The following STAG1 variants were observed in gnomAD, a reference collection of about 807,000 sequenced individuals.
STAG1 encodes the protein STAG1 cohesin complex component, also known as cohesin subunit SA-1.
A neutral mutation model predicts 170.9 loss-of-function variants in STAG1; 26 were observed. The ratio of observed to expected loss-of-function variants is 0.15; its 90% CI spans 0.11 to 0.21. The LOEUF is 0.21. STAG1 is among the 10% of genes least tolerant of loss of function. The pLI is 1.00. For synonymous variants in STAG1, 514 were observed against 497.7 expected (o/e 1.03, Z -0.44); for missense variants, 964 against 1,509.5 (o/e 0.64, Z 5.99).
At chr3:136,341,818 G>T (rs1373620581) in intron 30 of STAG1, among the ~76,000 whole-genome samples, 3 of 152,136 alleles carry the variant, frequency 2.0e-5, no homozygotes, top group African/African-American at 7.2e-5. Context: ...CTCTGTTTTG[G>T]GCTGGTGCCG....
At chr3:136,360,366 C>T (rs1014888564) in intron 26 of STAG1, among the ~76,000 whole-genome samples, 7 of 152,174 alleles carry the variant, frequency 4.6e-5, no homozygotes, top group Non-Finnish European at 1.0e-4. Flanking sequence ...TAGATGTATA[C>T]ATCTTAAAAA....
chr3:136,548,689 ATTTC>A (rs1936261763), intron 5 of STAG1, among the ~76,000 whole-genome samples: 1 of 151,844 alleles, frequency 6.6e-6, no homozygotes, highest in African/African-American at 2.4e-5. Context: ...GTCTCCTTTA[ATTTC>A]TTTCATCAAT....
chr3:136,486,683 T>G (rs1384926137), intron 9 of STAG1, among the ~76,000 whole-genome samples: 1 of 152,114 alleles, frequency 6.6e-6, no homozygotes, highest in Non-Finnish European at 1.5e-5. Context: ...GACTACTCAG[T>G]ATGGTAACTG....
chr3:136,671,271 G>A (rs1045913116), intron 1 of STAG1, among the ~76,000 whole-genome samples: 3 of 152,056 alleles, frequency 2.0e-5, no homozygotes, highest in South Asian at 2.1e-4. Flanking sequence ...GCAACAGAGC[G>A]AGACACCATC....
intron 1 of STAG1, among the ~76,000 whole-genome samples, chr3:136,650,236 GAAA>G (rs574918766): frequency 1.7e-5 from 1 of 60,000 alleles, no homozygotes. Context: ...ACCCTGTCAA[GAAA>G]AAAAAAAAAA....
chr3:136,669,033 G>A (rs73863911), intron 1 of STAG1, among the ~76,000 whole-genome samples: 14,373 of 152,248 alleles, frequency 0.094, 2,205 homozygotes, highest in African/African-American at 0.33. Flanking sequence ...GCCAAATACT[G>A]AGGTTTTCTA....
chr3:136,434,792 C>A (rs1390949442), intron 15 of STAG1, among the ~76,000 whole-genome samples: 1 of 152,080 alleles, frequency 6.6e-6, no homozygotes, highest in African/African-American at 2.4e-5. Flanking sequence ...CTTTTGCTGT[C>A]TCGTGTGCTT....
At chr3:136,613,410 T>A (rs1939416274) in intron 3 of STAG1, among the ~76,000 whole-genome samples, 1 of 151,368 alleles carries the variant, frequency 6.6e-6, no homozygotes, top group South Asian at 2.1e-4. Context: ...TCAGCCATTC[T>A]AATAGGCATG....
At chr3:136,667,766 G>C (rs1170973139) in intron 1 of STAG1, among the ~76,000 whole-genome samples, 1 of 152,148 alleles carries the variant, frequency 6.6e-6, no homozygotes, top group Non-Finnish European at 1.5e-5. Context: ...GAAGTGCTGG[G>C]ATTACAGGTG....
chr3:136,750,143 A>T (rs1935155147), intron 1 of STAG1, among the ~76,000 whole-genome samples: 1 of 152,208 alleles, frequency 6.6e-6, no homozygotes, highest in Non-Finnish European at 1.5e-5. Flanking sequence ...TTTTTCACAG[A>T]CATCTTGTTA....
At chr3:136,524,981 G>C (rs936738690) in intron 6 of STAG1, among the ~76,000 whole-genome samples, 1 of 152,136 alleles carries the variant, frequency 6.6e-6, no homozygotes, top group African/African-American at 2.4e-5. Context: ...TTGATGTGCT[G>C]CCAGATTCAG....
At chr3:136,523,695 C>T (rs1272843751) in intron 6 of STAG1, among the ~76,000 whole-genome samples, 3 of 152,090 alleles carry the variant, frequency 2.0e-5, no homozygotes, top group East Asian at 3.8e-4. Flanking sequence ...GTGGTATTGC[C>T]TAGGTTTTCT....
chr3:136,551,531 C>G (rs997942849), intron 5 of STAG1, among the ~76,000 whole-genome samples: 1 of 151,500 alleles, frequency 6.6e-6, no homozygotes, highest in South Asian at 2.1e-4. Context: ...GCCCCCACCT[C>G]GGGCTCCCAC....
intron 1 of STAG1, among the ~76,000 whole-genome samples, chr3:136,693,154 T>G (rs1942780710): frequency 6.6e-6 from 1 of 152,228 alleles, no homozygotes; most frequent in Non-Finnish European, 1.5e-5. Flanking sequence ...GAAGCAGATT[T>G]CACCAATAAA....
At chr3:136,655,999 A>C (rs565021829) in intron 1 of STAG1, among the ~76,000 whole-genome samples, 1 of 152,312 alleles carries the variant, frequency 6.6e-6, no homozygotes, top group East Asian at 1.9e-4. Context: ...CATTATTCAC[A>C]GTACTTCAAT....
chr3:136,612,454 A>C (rs904624487), intron 3 of STAG1, among the ~76,000 whole-genome samples: 7 of 152,204 alleles, frequency 4.6e-5, no homozygotes, highest in African/African-American at 1.7e-4. Context: ...AAAAAATAAA[A>C]AAATTTATCA....
In STAG1 at chr3:136,444,649, A is replaced by C. The variant is rs149886444; in HGVS notation, c.1429-1245T>G. ...TAGAAAGAGTGCATAGCACATAGAA[A>C]GGGTAAATACTATTTCATTAACTGT... is the stretch of plus-strand genomic sequence containing the variant. On this transcript the variant is annotated intron_variant, in intron 14 of 33. Coordinates refer to ENST00000383202, the MANE Select transcript of STAG1 (RefSeq NM_005862.3). Among the ~76,000 whole-genome samples, 880 of 152,298 alleles carry C rather than the reference A, an allele frequency of 5.8e-3. 6 individuals are homozygous for C. Among genetic ancestry groups the C allele is most frequent in the Non-Finnish European group, 9.1e-3 (621 of 68,024 alleles).
intron 12 of STAG1, among the ~76,000 whole-genome samples, chr3:136,465,256 G>C (rs886644779): frequency 7.6e-6 from 1 of 132,100 alleles, no homozygotes; most frequent in African/African-American, 2.9e-5. Context: ...GTCTTGCTCT[G>C]TCAACTAGGC....
chr3:136,736,444 A>G, intron 1 of STAG1: 1 of 1,234,498 alleles, frequency 8.1e-7, no homozygotes, highest in Non-Finnish European at 1.2e-6. Context: ...CCTTCGAAGC[A>G]GGAAGGGAGA....
Sources: allele counts gnomAD v4.1 joint callset (sites outside exome capture counted in the v4.1 genomes callset), GRCh38; gene constraint gnomAD v4.1.1; transcripts MANE v1.5; gene names NCBI Gene and HGNC (gene_info 2026-07-23, HGNC 2026-07-21).